RIMBP2: variants seen among roughly 807,000 people sequenced by gnomAD.
The protein encoded by RIMBP2 is RIMS binding protein 2, also known as RIMS-binding protein 2.
A neutral mutation model predicts 118.6 loss-of-function variants in RIMBP2; 48 were observed. The ratio of observed to expected loss-of-function variants is 0.40; its 90% CI spans 0.32 to 0.51. The LOEUF is 0.51. RIMBP2 is among the 20% of genes least tolerant of loss of function. RIMBP2 has a pLI of 0.41. For synonymous variants in RIMBP2, 762 were observed against 742.9 expected, an observed-to-expected ratio of 1.03 and a Z score of -0.42; for missense variants, 1,551 against 1,768.3, an observed-to-expected ratio of 0.88 and a Z score of 2.20.
chr12:130,543,571 C>T lies in RIMBP2; in HGVS notation c.-216-25654G>A, dbSNP rs575176071. 2.6e-5 allele frequency among the ~76,000 whole-genome samples: 4 copies of T among 152,092 alleles called. No individual in the cohort carries two copies. In the South Asian group the frequency reaches 8.3e-4, roughly 32 times the overall value. On this transcript the variant is annotated intron_variant, in intron 2 of 22. Coordinates refer to ENST00000690449, the MANE Select transcript of RIMBP2 (RefSeq NM_001393629.1). The stretch of plus-strand genomic sequence containing the variant: ...CAAAGCTCTTCTCCAAAGATGAGCC[C>T]TATAGATTGGGAAATATGAAGATGC...
At chr12:130,466,933 G>C (rs545235866) in intron 6 of RIMBP2, among the ~76,000 whole-genome samples, 9 of 152,344 alleles carry the variant, frequency 5.9e-5, no homozygotes, top group Non-Finnish European at 1.3e-4. Context: ...CATGGAAATT[G>C]TGTATTCAGT....
At chr12:130,667,135 GAGGGAGGGAAGGGAGGA>G in intron 1 of RIMBP2, among the ~76,000 whole-genome samples, 1 of 77,402 alleles carries the variant, frequency 1.3e-5, no homozygotes, top group East Asian at 4.0e-4. Flanking sequence ...AGGAAGGAGA[GAGGGAGGGAAGGGAGGA>G]AGGGAGGGAA....
rs1398535830 is a variant in RIMBP2 at position 130,557,298 on chromosome 12, C to T, written c.-216-39381G>A. 2.0e-5 allele frequency among the ~76,000 whole-genome samples: 3 copies of T among 152,086 alleles called. No individual in the cohort carries two copies. The East Asian group carries it at 5.8e-4, about 29-fold the overall frequency. ...CCTCAGGAGGACCCAGTCCTGCTGG[C>T]CCCTGGAGCTCAAGCTTCAGCCCCC... On this transcript the variant is annotated intron_variant, in intron 2 of 22. Coordinates refer to ENST00000690449, the MANE Select transcript of RIMBP2 (RefSeq NM_001393629.1).
intron 2 of RIMBP2, among the ~76,000 whole-genome samples, chr12:130,593,797 T>C (rs1251465428): frequency 6.6e-6 from 1 of 152,250 alleles, no homozygotes; most frequent in Admixed American, 6.5e-5. Context: ...CCTGGTTTCA[T>C]GGGTGGTTGA....
In RIMBP2 at chr12:130,442,191, G is replaced by A. The variant is rs373258246; in HGVS notation, c.1161C>T (p.Cys387=). 5.0e-6 allele frequency: 8 copies of A among 1,614,108 alleles called. No homozygotes were observed. The highest frequency in any genetic ancestry group is 4.5e-5 in the East Asian group (2 of 44,876). The change falls in exon 11 of 23, where the codon TGC becomes TGT. Residue 387 remains cysteine (C), a synonymous_variant. Coordinates refer to ENST00000690449, the MANE Select transcript of RIMBP2 (RefSeq NM_001393629.1). The surrounding 1 kb of genome is among the most constrained non-coding windows in gnomAD (Gnocchi z 6.9). ...CATCCGAGCTGCCCCTGCTGGTGACGCACTGCACGGAGATGCGGTAGGTGC... is the reference window on the plus strand; with the variant it reads ...CATCCGAGCTGCCCCTGCTGGTGACACACTGCACGGAGATGCGGTAGGTGC... ...AACTYRISVQ[C]VTSRGSSDEL...
rs1431559419 is a variant in RIMBP2, at chr12:130,707,725, G to A, written c.-352+8497C>T. 5.9e-5 allele frequency among the ~76,000 whole-genome samples: 9 copies of A among 152,318 alleles called. No individual in the cohort carries two copies. In the East Asian group the frequency reaches 1.5e-3, roughly 26 times the overall value. ...ACACAGGAGGCCTGGGGGCGCTGAG[G>A]CAGTGTGGCCCAGGGACAAGACCAG... On this transcript the variant is annotated intron_variant, in intron 1 of 22. Transcript: ENST00000690449.
intron 4 of RIMBP2, among the ~76,000 whole-genome samples, chr12:130,489,117 CAATT>C (rs1278864317): frequency 2.6e-5 from 4 of 152,204 alleles, no homozygotes; most frequent in African/African-American, 9.6e-5. Flanking sequence ...TACAACTAAA[CAATT>C]AAATTCTTTC....
At chr12:130,522,255 G>A (rs1186563622) in intron 2 of RIMBP2, among the ~76,000 whole-genome samples, 3 of 152,246 alleles carry the variant, frequency 2.0e-5, no homozygotes, top group Non-Finnish European at 4.4e-5. Context: ...TAATGAGGAT[G>A]AGGGAGGAAG....
intron 2 of RIMBP2, among the ~76,000 whole-genome samples, chr12:130,557,494 C>T (rs2056462982): frequency 6.6e-6 from 1 of 152,142 alleles, no homozygotes; most frequent in African/African-American, 2.4e-5. Context: ...TGTGGAACAC[C>T]CCCTGCCCGG....
chr12:130,667,340 G>A (rs1158778796), intron 1 of RIMBP2: 1 of 152,158 alleles, frequency 6.6e-6, no homozygotes, highest in Non-Finnish European at 1.5e-5. Context: ...GGAAACAGAT[G>A]GCTCACTTAA....
intron 9 of RIMBP2, among the ~76,000 whole-genome samples, chr12:130,445,940 G>A (rs2078481196): frequency 6.6e-6 from 1 of 151,998 alleles, no homozygotes; most frequent in Non-Finnish European, 1.5e-5. Context: ...ATACTTATTT[G>A]GTCAAAGGCA....
chr12:130,652,800 GA>G (rs1253063056), intron 1 of RIMBP2, among the ~76,000 whole-genome samples: 1 of 152,172 alleles, frequency 6.6e-6, no homozygotes, highest in Non-Finnish European at 1.5e-5. Flanking sequence ...AATTATGGTG[GA>G]ATACAAAGGG....
chr12:130,587,123 A>G (rs1223789130), intron 2 of RIMBP2, among the ~76,000 whole-genome samples: 6 of 149,700 alleles, frequency 4.0e-5, no homozygotes, highest in African/African-American at 1.2e-4. Flanking sequence ...TCAAAACCAC[A>G]ATGAGATACC....
Position 130,442,388 on chromosome 12 carries a change from G to C in RIMBP2, c.964C>G (p.Leu322Val), listed in dbSNP as rs2078202793. The part of the protein sequence containing the change: ...DIVPYPRKIT[L>V]IKQLAKSVIV... ...ACACTTTTGGCGAGTTGTTTGATGA[G>C]GGTGATTTTTCTAGGGTAAGGCACG... Residue 322 changes from leucine (L) to valine (V), a missense_variant, in exon 11 of 23, where the codon CTC becomes GTC. Physicochemically the swap from Leu to Val is conservative, Grantham distance 32 (BLOSUM62 1). Transcript: ENST00000690449. The surrounding 1 kb of genome is among the most constrained non-coding windows in gnomAD (Gnocchi z 6.9). 1.2e-6 allele frequency: 2 copies of C among 1,614,064 alleles called. No homozygotes were observed. The highest frequency in any genetic ancestry group is 2.7e-5 in the African/African-American group (2 of 74,930).
chr12:130,460,758 G>A (rs1007072547), intron 6 of RIMBP2, among the ~76,000 whole-genome samples: 11 of 152,198 alleles, frequency 7.2e-5, no homozygotes, highest in South Asian at 2.1e-4. Flanking sequence ...TGCTTCCCCC[G>A]CAGATTCCCC....
chr12:130,511,633 T>C lies in RIMBP2; in HGVS notation c.-126-4863A>G, dbSNP rs2050918909. Among the ~76,000 whole-genome samples, 1 of 152,130 alleles carries C rather than the reference T, an allele frequency of 6.6e-6. No homozygotes were observed. Among genetic ancestry groups the C allele is most frequent in the Non-Finnish European group, 1.5e-5 (1 of 68,014 alleles). ...TAGCAACCCTCAATTGCTTTTGGAG[T>C]ATGCGCCATCTCTCTCCTGCTGGGA... On this transcript the variant is annotated intron_variant, in intron 3 of 22. Coordinates refer to ENST00000690449, the MANE Select transcript of RIMBP2 (RefSeq NM_001393629.1). The surrounding 1 kb of genome is among the most constrained non-coding windows in gnomAD (Gnocchi z 4.3).
intron 1 of RIMBP2, among the ~76,000 whole-genome samples, chr12:130,702,053 C>A (rs189693308): frequency 1.3e-5 from 2 of 152,108 alleles, no homozygotes; most frequent in Non-Finnish European, 2.9e-5. Context: ...TAATCCAGTA[C>A]GAGGATGAGC....
At chr12:130,673,354 T>C (rs1292725617) in intron 1 of RIMBP2, among the ~76,000 whole-genome samples, 1 of 152,186 alleles carries the variant, frequency 6.6e-6, no homozygotes, top group Non-Finnish European at 1.5e-5. Context: ...TAAAAGCCTA[T>C]TTGGCAAAAC....
chr12:130,563,829 A>C (rs1440128394), intron 2 of RIMBP2, among the ~76,000 whole-genome samples: 1 of 152,170 alleles, frequency 6.6e-6, no homozygotes, highest in Non-Finnish European at 1.5e-5. Context: ...TTTGAAATGT[A>C]AGTCAGCTTG....
Sources: allele counts gnomAD v4.1 joint callset (sites outside exome capture counted in the v4.1 genomes callset), GRCh38; gene constraint gnomAD v4.1.1; non-coding constraint Gnocchi (gnomAD v3.1); transcripts MANE v1.5; gene names NCBI Gene and HGNC (gene_info 2026-07-23, HGNC 2026-07-21).